The following EGF variants were observed in gnomAD, a reference collection of about 807,000 sequenced individuals.
EGF encodes epidermal growth factor.
Under a neutral mutation model 143.8 loss-of-function variants are expected in EGF, and 95 were observed. That is an observed-to-expected ratio of 0.66 (90% CI 0.56 to 0.78). The LOEUF (loss-of-function observed/expected upper bound fraction) is 0.78, where lower values mean the gene tolerates loss of function less well. EGF is among the 30% of genes least tolerant of loss of function. The pLI is 0.00. For missense variants in EGF, 1,320 were observed against 1,470.9 expected, an observed-to-expected ratio of 0.90 and a Z score of 1.68; for synonymous variants, 510 against 510.5, an observed-to-expected ratio of 1.00 and a Z score of 0.01.
rs767257754 is a variant in EGF, at chr4:109,993,268, G to C, written c.2756G>C (p.Gly919Ala). Residue 919 changes from glycine (G) to alanine (A), a missense_variant, in exon 19 of 24, where the codon GGG becomes GCG. Transcript: ENST00000265171. Reference sequence around the variant, plus strand: ...ACAGATATTGATGAGTGCCAACTGGGGGAGCACAGCTGTGGAGAGAATGCC... The same window carrying C: ...ACAGATATTGATGAGTGCCAACTGGCGGAGCACAGCTGTGGAGAGAATGCC... ...HCLDIDECQL[G>A]EHSCGENASC... 2 of 1,613,828 alleles carry C rather than the reference G, an allele frequency of 1.2e-6. No homozygotes were observed. The highest frequency in any genetic ancestry group is 1.1e-5 in the South Asian group (1 of 91,070).
At chr4:109,931,024 C>T (rs1739595503) in intron 1 of EGF, among the ~76,000 whole-genome samples, 2 of 152,256 alleles carry the variant, frequency 1.3e-5, no homozygotes, top group South Asian at 4.1e-4. Context: ...GAACTGCACC[C>T]AAAACAAATG....
At chr4:109,991,713 T>A (rs1750963074) in intron 18 of EGF, among the ~76,000 whole-genome samples, 1 of 152,230 alleles carries the variant, frequency 6.6e-6, no homozygotes. Flanking sequence ...AATGACAGGA[T>A]GTCTATACAA....
At chr4:109,989,387 G>A (rs546456126) in intron 18 of EGF, among the ~76,000 whole-genome samples, 1 of 152,300 alleles carries the variant, frequency 6.6e-6, no homozygotes, top group Non-Finnish European at 1.5e-5. Context: ...CTGAGGCACG[G>A]TGAAGTGATT....
At chr4:109,982,248 G>A (rs1399955319) in intron 15 of EGF, among the ~76,000 whole-genome samples, 1 of 151,716 alleles carries the variant, frequency 6.6e-6, no homozygotes, top group East Asian at 1.9e-4. Flanking sequence ...GCCTCAAGTG[G>A]TCTTCCCACC....
At position 109,980,968 on chromosome 4, in the gene EGF, G is replaced by T. The variant is rs532656624; in HGVS notation, c.2364G>T (p.Leu788=). 6.2e-7 allele frequency: 1 copy of T among 1,614,086 alleles called. No individual in the cohort carries two copies. Among genetic ancestry groups the T allele is most frequent in the Admixed American group, 1.7e-5 (1 of 60,010 alleles). ...GTCTGGCTCTGGATGGTCATCAGCT[G>T]TTGGCAGGTAATATAATAAATTATG... ...KTCLALDGHQ[L]LAGGEVDLKN... The change falls in exon 15 of 24, where the codon CTG becomes CTT. Residue 788 remains leucine, a synonymous_variant. Transcript: ENST00000265171.
chr4:109,985,377 C>T (rs1402393119), intron 16 of EGF, among the ~76,000 whole-genome samples: 1 of 152,184 alleles, frequency 6.6e-6, no homozygotes, highest in African/African-American at 2.4e-5. Flanking sequence ...GTGAAAACTC[C>T]ACATTAGGAT....
intron 17 of EGF, 95 bp downstream of exon 17, chr4:109,987,955 G>A (rs1750386896): frequency 5.2e-6 from 5 of 967,264 alleles, no homozygotes; most frequent in Non-Finnish European, 8.4e-6. Flanking sequence ...AAGGATTTAT[G>A]TAATCAGCAG....
intron 5 of EGF, among the ~76,000 whole-genome samples, chr4:109,955,224 G>A (rs1744605520): frequency 6.6e-6 from 1 of 152,168 alleles, no homozygotes; most frequent in Non-Finnish European, 1.5e-5. Flanking sequence ...CTGTGTGCTA[G>A]CCAGGCAGTT....
chr4:109,966,391 T>A (rs973911976), intron 10 of EGF, among the ~76,000 whole-genome samples: 17 of 152,168 alleles, frequency 1.1e-4, no homozygotes, highest in Admixed American at 2.0e-4. Flanking sequence ...TTCTTTTTTA[T>A]GAGCAGTATT....
chr4:109,959,116 G>T, intron 5 of EGF, 196 bp from the exon 6 acceptor site: 2 of 717,248 alleles, frequency 2.8e-6, no homozygotes, highest in Non-Finnish European at 2.2e-6. Context: ...GAGAGGTTTT[G>T]GAGAAGTAAT....
chr4:110,002,147 T>C (rs1455933947), intron 21 of EGF: 2 of 633,010 alleles, frequency 3.2e-6, no homozygotes. Context: ...ATTCCTTGCC[T>C]GTCTTGTCTA....
At chr4:109,927,806 C>CGTGTGTGTGT (rs57788647) in intron 1 of EGF, among the ~76,000 whole-genome samples, 8 of 136,396 alleles carry the variant, frequency 5.9e-5, no homozygotes, top group South Asian at 2.4e-4. Context: ...TGAATTTTGC[C>CGTGTGTGTGT]GTGTGTGTGT....
intron 16 of EGF, among the ~76,000 whole-genome samples, chr4:109,985,662 C>T (rs567416924): frequency 7.2e-5 from 11 of 152,334 alleles, no homozygotes; most frequent in Admixed American, 5.9e-4. Flanking sequence ...CGGGCTAGGG[C>T]TGCCTATTAC....
intron 1 of EGF, among the ~76,000 whole-genome samples, chr4:109,924,489 T>G (rs1223478010): frequency 6.6e-6 from 1 of 151,770 alleles, no homozygotes; most frequent in African/African-American, 2.4e-5. Flanking sequence ...CAGCAAGTAT[T>G]TATTGGATGC....
chr4:109,987,224 C>T (rs1296949962), intron 16 of EGF, among the ~76,000 whole-genome samples: 3 of 152,148 alleles, frequency 2.0e-5, no homozygotes, highest in East Asian at 1.9e-4. Context: ...TCCTTGAACA[C>T]ACCAGATAGT....
intron 5 of EGF, among the ~76,000 whole-genome samples, chr4:109,946,573 T>C (rs977753380): frequency 2.0e-5 from 3 of 152,226 alleles, no homozygotes; most frequent in African/African-American, 7.2e-5. Flanking sequence ...ACACCTTTCA[T>C]TGAGCTCATC....
At chr4:109,965,827 A>T (rs987005501) in intron 10 of EGF, among the ~76,000 whole-genome samples, 2 of 152,134 alleles carry the variant, frequency 1.3e-5, no homozygotes, top group African/African-American at 4.8e-5. Context: ...TTTGAGAAGC[A>T]CAGTGCCAGT....
chr4:110,003,495 G>A (rs1329048278), intron 21 of EGF, among the ~76,000 whole-genome samples: 1 of 152,080 alleles, frequency 6.6e-6, no homozygotes, highest in South Asian at 2.1e-4. Context: ...TGTCTGTGAT[G>A]CCAGATTCAC....
intron 1 of EGF, among the ~76,000 whole-genome samples, chr4:109,925,784 A>G (rs956280964): frequency 6.6e-5 from 10 of 152,222 alleles, no homozygotes; most frequent in African/African-American, 2.4e-4. Flanking sequence ...AAAATGTTCT[A>G]TGAAAAAAAT....
Sources: allele counts gnomAD v4.1 joint callset (sites outside exome capture counted in the v4.1 genomes callset), GRCh38; gene constraint gnomAD v4.1.1; transcripts MANE v1.5; gene names NCBI Gene and HGNC (gene_info 2026-07-23, HGNC 2026-07-21).